ZNF512: variants seen among roughly 807,000 people sequenced by gnomAD.
The protein encoded by ZNF512 is zinc finger protein 512.
ZNF512 carries 25 observed loss-of-function variants against 77.5 expected under a neutral mutation model. The ratio of observed to expected loss-of-function variants is 0.32; its 90% CI spans 0.23 to 0.45. ZNF512 has a LOEUF of 0.45. Ranked by LOEUF, ZNF512 falls within the 20% of genes least tolerant of loss-of-function variation. The pLI is 1.00. For synonymous variants in ZNF512, 246 were observed against 239.9 expected (o/e 1.03, Z -0.24); for missense variants, 483 against 692.6 (o/e 0.70, Z 3.40).
intron 2 of ZNF512, among the ~76,000 whole-genome samples, chr2:27,591,414 A>AATT (rs948518726): frequency 6.6e-6 from 1 of 151,890 alleles, no homozygotes; most frequent in Non-Finnish European, 1.5e-5. Context: ...AAGTTCTTAA[A>AATT]ATTATTATTA....
rs746162270 is a variant in ZNF512 at position 27,621,223 on chromosome 2, A to G, written c.1466A>G (p.Gln489Arg). Reference sequence around the variant, plus strand: ...CTGATGAAGATAAAGCAGCGGCAGCAAGAAGAAGAAAAGCGGAGGCAGCAG... The same window carrying G: ...CTGATGAAGATAAAGCAGCGGCAGCGAGAAGAAGAAAAGCGGAGGCAGCAG... The part of the protein sequence containing the change: ...EKLMKIKQRQ[Q>R]EEEKRRQQHR... Residue 489 changes from glutamine to arginine, a missense_variant, in exon 14 of 14, where the codon CAA becomes CGA. Around this residue, in one of 2 missense-constraint regions of ZNF512, gnomAD observed 324 missense variants for 525.0 expected, o/e 0.62. Coordinates refer to ENST00000355467, the MANE Select transcript of ZNF512 (RefSeq NM_032434.4). 1 of 1,614,246 alleles carries G rather than the reference A, an allele frequency of 6.2e-7. No individual in the cohort carries two copies. The highest frequency in any genetic ancestry group is 8.5e-7 in the Non-Finnish European group (1 of 1,180,032).
At chr2:27,602,809 C>T (rs887617622) in intron 8 of ZNF512, among the ~76,000 whole-genome samples, 1 of 152,036 alleles carries the variant, frequency 6.6e-6, no homozygotes, top group Non-Finnish European at 1.5e-5. Context: ...CCCAGTGACC[C>T]CTCACTGTGC....
At chr2:27,614,003 T>G (rs892774527) in intron 10 of ZNF512, among the ~76,000 whole-genome samples, 9 of 152,130 alleles carry the variant, frequency 5.9e-5, no homozygotes, top group African/African-American at 1.9e-4. Flanking sequence ...TACACTAGCT[T>G]CAGAGGAGAC....
At position 27,583,070 on chromosome 2, in the gene ZNF512, G is replaced by GC. The variant is rs779112637; in HGVS notation, c.-41dup. On this transcript the variant is annotated 5_prime_UTR_variant, in exon 1 of 14. Transcript: ENST00000355467. ...GGAGAGCGGAAGTGGCGTTGGTCTG[G>GC]CCGGAGCCCTTGGGTGAAATTGTTA... 2 of 1,613,690 alleles carry GC rather than the reference G, an allele frequency of 1.2e-6. No individual in the cohort carries two copies. The highest frequency in any genetic ancestry group is 1.3e-5 in the African/African-American group (1 of 74,908).
chr2:27,618,085 A>G (rs1449686809), intron 13 of ZNF512, among the ~76,000 whole-genome samples: 1 of 151,668 alleles, frequency 6.6e-6, no homozygotes, highest in African/African-American at 2.4e-5. Context: ...ATGCCTGGCT[A>G]ATTTTTGTAT....
At position 27,598,178 on chromosome 2, in the gene ZNF512, T is replaced by A; in HGVS notation, c.201T>A (p.Phe67Leu). 6.2e-7 allele frequency: 1 copy of A among 1,614,176 alleles called. No individual in the cohort carries two copies. The change falls in exon 3 of 14, where the codon TTT becomes TTA. Residue 67 changes from phenylalanine (F) to leucine (L), a missense_variant. Phe to Leu is a conservative substitution (Grantham distance 22). Around this residue, in one of 2 missense-constraint regions of ZNF512, gnomAD observed 159 missense variants for 167.5 expected, o/e 0.95. Coordinates refer to ENST00000355467, the MANE Select transcript of ZNF512 (RefSeq NM_032434.4). ...SASSCEPVSD[F>L]PASFRKSTYW... ...CTTCGTGTGAACCAGTGAGTGATTT[T>A]CCAGCATCTTTCCGAAAATCTACCT... is the stretch of plus-strand genomic sequence containing the variant.
At position 27,621,862 on chromosome 2, in the gene ZNF512, A is replaced by AT. The variant is rs1673138302; in HGVS notation, c.*407dup. 6.1e-6 allele frequency: 1 copy of AT among 164,772 alleles called. No individual in the cohort carries two copies. The highest frequency in any genetic ancestry group is 1.3e-5 in the Non-Finnish European group (1 of 74,226). 10.2% of individuals were successfully genotyped at this position (164,772 alleles called of 1,614,324 possible). A position where few individuals can be genotyped will look rare whatever the true frequency, so the allele number is the denominator to read the frequency against. ...TAGCTTGTGAAACCATTCCAAACTA[A>AT]TTTTTTAAAACCATAACTGATTTGT... is the stretch of plus-strand genomic sequence containing the variant. On this transcript the variant is annotated 3_prime_UTR_variant, in exon 14 of 14. Transcript: ENST00000355467.
At chr2:27,601,561 A>G (rs1257694926) in intron 7 of ZNF512, 119 bp downstream of exon 7, 4 of 774,772 alleles carry the variant, frequency 5.2e-6, no homozygotes, top group Non-Finnish European at 8.4e-6. Flanking sequence ...TGCAACCTCC[A>G]CCTCCTGGTT....
intron 2 of ZNF512, among the ~76,000 whole-genome samples, chr2:27,586,235 G>GTTGTTGTTC (rs1671319581): frequency 6.6e-6 from 1 of 151,818 alleles, no homozygotes; most frequent in Admixed American, 6.6e-5. Context: ...TGTTGTTGTT[G>GTTGTTGTTC]TTGTTGTTGT....
chr2:27,588,398 A>G (rs1477110367), intron 2 of ZNF512, among the ~76,000 whole-genome samples: 1 of 152,048 alleles, frequency 6.6e-6, no homozygotes, highest in Non-Finnish European at 1.5e-5. Flanking sequence ...CTTTTCTCCT[A>G]GAAGTTTTAT....
chr2:27,584,424 C>T (rs1286743289), intron 2 of ZNF512, among the ~76,000 whole-genome samples: 2 of 152,204 alleles, frequency 1.3e-5, no homozygotes, highest in Admixed American at 1.3e-4. Flanking sequence ...TTCTTGTTAA[C>T]TAGACATTAA....
At chr2:27,616,373 C>G in intron 12 of ZNF512, 49 bp downstream of exon 12, 1 of 1,426,678 alleles carries the variant, frequency 7.0e-7, no homozygotes, top group South Asian at 1.2e-5. Flanking sequence ...CTAAAATAGT[C>G]TGACATGGAA....
At chr2:27,619,624 T>A (rs1673038246) in intron 13 of ZNF512, among the ~76,000 whole-genome samples, 1 of 152,094 alleles carries the variant, frequency 6.6e-6, no homozygotes, top group African/African-American at 2.4e-5. Context: ...TCACATTTTC[T>A]TACACTACTT....
rs771770365 is a variant in ZNF512 at position 27,601,415 on chromosome 2, T to C, written c.642T>C (p.Tyr214=). 1 of 1,614,046 alleles carries C rather than the reference T, an allele frequency of 6.2e-7. No homozygotes were observed. ...KQLRSLAGMK[Y]HVMANHNSLP... ...TTCGTTCACTGGCAGGGATGAAGTA[T>C]CATGTCATGGCAAATCATAATAGTT... Residue 214 remains tyrosine, a synonymous_variant, in exon 7 of 14, where the codon TAT becomes TAC. Coordinates refer to ENST00000355467, the MANE Select transcript of ZNF512 (RefSeq NM_032434.4).
intron 10 of ZNF512, among the ~76,000 whole-genome samples, chr2:27,610,214 A>C (rs1672552084): frequency 6.7e-6 from 1 of 150,288 alleles, no homozygotes; most frequent in African/African-American, 2.4e-5. Context: ...AATACAAAAA[A>C]TTAGCTGGGC....
At chr2:27,599,479 A>T in intron 3 of ZNF512, 104 bp from the exon 4 acceptor site, 1 of 838,994 alleles carries the variant, frequency 1.2e-6, no homozygotes, top group East Asian at 2.5e-5. Flanking sequence ...TTCACTGATG[A>T]TCTTTCCTTT....
chr2:27,591,796 C>A (rs1368233891), intron 2 of ZNF512, among the ~76,000 whole-genome samples: 2 of 151,968 alleles, frequency 1.3e-5, no homozygotes, highest in Non-Finnish European at 2.9e-5. Flanking sequence ...GCCTTGGCCT[C>A]CCAAAGTACT....
At chr2:27,603,395 C>T in intron 9 of ZNF512, 88 bp downstream of exon 9, 1 of 1,381,024 alleles carries the variant, frequency 7.2e-7, no homozygotes. Context: ...GTGTTTGGTT[C>T]CTCATTTGTA....
Position 27,603,280 on chromosome 2 carries a change from A to G in ZNF512, c.909A>G (p.Ala303=), listed in dbSNP as rs150444872. The part of the protein sequence containing the change: ...GKPYRSKAGL[A]YHLRSEHGPI... ...CATATAGGTCGAAGGCTGGACTTGC[A>G]TATCACCTGAGGTCAGAGCATGGGC... The change falls in exon 9 of 14, where the codon GCA becomes GCG. Residue 303 remains alanine, a synonymous_variant. Transcript: ENST00000355467. 37 of 1,613,986 alleles carry G rather than the reference A, an allele frequency of 2.3e-5. No individual in the cohort carries two copies. Among genetic ancestry groups the G allele is most frequent in the African/African-American group, 2.7e-5 (2 of 75,024 alleles).
Sources: gnomAD v4.1 joint callset for allele counts (sites outside exome capture counted in the v4.1 genomes callset) on GRCh38, gnomAD v4.1.1 for gene constraint, gnomAD v4.1.1 regional missense constraint, MANE v1.5 for transcripts, NCBI Gene and HGNC (gene_info 2026-07-23, HGNC 2026-07-21) for gene names.